Variants in ZFR2 observed in about 807,000 individuals in gnomAD.
ZFR2 encodes the protein zinc finger RNA-binding protein 2.
In ZFR2, 104 loss-of-function variants were observed where a neutral mutation model predicts 105.7. The observed-to-expected ratio is 0.98, with a 90% CI of 0.84 to 1.16. The LOEUF (loss-of-function observed/expected upper bound fraction) is 1.16, where lower values mean the gene tolerates loss of function less well. Among genes scored for constraint, ZFR2 ranks in the 50% most tolerant of loss-of-function variants. The pLI, the probability that ZFR2 is intolerant of heterozygous loss-of-function variation, is 0.00. For synonymous variants in ZFR2, 634 were observed against 597.7 expected (o/e 1.06, Z -0.89); for missense variants, 1,425 against 1,355.5 (o/e 1.05, Z -0.80).
At chr19:3,862,890 C>T (rs1487031288) in intron 1 of ZFR2, among the ~76,000 whole-genome samples, 1 of 152,168 alleles carries the variant, frequency 6.6e-6, no homozygotes, top group African/African-American at 2.4e-5. Context: ...GGGTCGTGCT[C>T]CCTGGAAAGA....
intron 12 of ZFR2, 27 bp from the exon 13 acceptor site, chr19:3,816,872 G>A (rs375186012): frequency 1.4e-4 from 216 of 1,531,048 alleles, no homozygotes; most frequent in South Asian, 9.7e-4. Flanking sequence ...ACAGACGTGC[G>A]CCATCAGCGG....
intron 1 of ZFR2, chr19:3,855,739 C>G: frequency 3.0e-6 from 1 of 336,266 alleles, no homozygotes; most frequent in Non-Finnish European, 5.4e-6. Flanking sequence ...GTTGGGGAAA[C>G]AGGGCAGCGC....
intron 1 of ZFR2, among the ~76,000 whole-genome samples, chr19:3,862,286 G>A (rs1255318922): frequency 6.6e-6 from 1 of 152,122 alleles, no homozygotes; most frequent in Non-Finnish European, 1.5e-5. Flanking sequence ...GCCCCAGTAT[G>A]TATGAACTAA....
chr19:3,856,729 CAG>C (rs1252305449), intron 1 of ZFR2, among the ~76,000 whole-genome samples: 2 of 152,226 alleles, frequency 1.3e-5, no homozygotes, highest in Non-Finnish European at 1.5e-5. Context: ...CCAGGGTAGC[CAG>C]AGTTTCCTTT....
chr19:3,805,884 G>C lies in ZFR2; in HGVS notation c.*65C>G. 1.4e-6 allele frequency: 2 copies of C among 1,421,702 alleles called. No homozygotes were observed. Among genetic ancestry groups the C allele is most frequent in the Non-Finnish European group, 1.8e-6 (2 of 1,086,354 alleles). The allele number at this position is 1,421,702 out of a possible 1,614,324, so 88.1% of individuals were successfully genotyped here. Reference sequence around the variant, plus strand: ...CAACGTCGGGGATGAAGCAGCCATTGGTCGGCGCGCACACGTCCAGGAGTG... The same window carrying C: ...CAACGTCGGGGATGAAGCAGCCATTCGTCGGCGCGCACACGTCCAGGAGTG... On this transcript the variant is annotated 3_prime_UTR_variant, in exon 19 of 19. Coordinates refer to ENST00000262961, the MANE Select transcript of ZFR2 (RefSeq NM_015174.2).
chr19:3,816,838 C>A lies in ZFR2; in HGVS notation c.1939G>T (p.Ala647Ser). 6.4e-7 allele frequency: 1 copy of A among 1,560,336 alleles called. No homozygotes were observed. Among genetic ancestry groups the A allele is most frequent in the African/African-American group, 1.4e-5 (1 of 73,638 alleles). ...EEEGDKRSSVAPQTRVLKGVM... is the reference protein window; with the variant it reads ...EEEGDKRSSVSPQTRVLKGVM... ...CCTTTCAGGACCCGAGTCTGGGGGG[C>A]AACGCTGCTGTGGGGACAAAGCCAC... The change falls in exon 13 of 19, where the codon GCC becomes TCC. Residue 647 changes from alanine to serine, a missense_variant. Coordinates refer to ENST00000262961, the MANE Select transcript of ZFR2 (RefSeq NM_015174.2).
chr19:3,808,244 T>C (rs902193027), intron 17 of ZFR2, among the ~76,000 whole-genome samples: 5 of 152,108 alleles, frequency 3.3e-5, no homozygotes, highest in Non-Finnish European at 7.4e-5. Flanking sequence ...TGCCCGTGTG[T>C]GCAAGTATGT....
intron 1 of ZFR2, among the ~76,000 whole-genome samples, chr19:3,847,735 C>T (rs966308166): frequency 1.3e-5 from 2 of 152,162 alleles, no homozygotes; most frequent in Admixed American, 6.6e-5. Flanking sequence ...TCCAATCTTT[C>T]GCCATTAAAG....
chr19:3,842,234 G>C (rs2038139611), intron 1 of ZFR2, among the ~76,000 whole-genome samples: 2 of 151,800 alleles, frequency 1.3e-5, no homozygotes, highest in South Asian at 2.1e-4. Context: ...GGCTGGTCTT[G>C]AACTCATGAG....
chr19:3,846,603 T>A (rs942801925), intron 1 of ZFR2, among the ~76,000 whole-genome samples: 37 of 152,276 alleles, frequency 2.4e-4, no homozygotes, highest in African/African-American at 7.2e-4. Flanking sequence ...CACGCATCTT[T>A]AAAAAAAGAC....
chr19:3,822,609 A>C (rs1410150857), intron 8 of ZFR2, among the ~76,000 whole-genome samples: 1 of 152,004 alleles, frequency 6.6e-6, no homozygotes, highest in Non-Finnish European at 1.5e-5. Context: ...CCAGCTACTC[A>C]GGAGACTGAG....
chr19:3,838,251 G>A lies in ZFR2; in HGVS notation c.54-3268C>T, dbSNP rs1312151468. Among the ~76,000 whole-genome samples the A allele has an allele frequency of 6.6e-6, 1 of 152,168 alleles. No homozygotes were observed. The highest frequency in any genetic ancestry group is 1.5e-5 in the Non-Finnish European group (1 of 68,016). On this transcript the variant is annotated intron_variant, in intron 1 of 18. Coordinates refer to ENST00000262961, the MANE Select transcript of ZFR2 (RefSeq NM_015174.2). This position sits in a 1 kb window ranked among gnomAD's most constrained non-coding sequence, Gnocchi z 4.9. ...TGACTACTGACATTTGATGAACACTGTGACTATGGACACTGAATGAACAGC... is the reference window on the plus strand; with the variant it reads ...TGACTACTGACATTTGATGAACACTATGACTATGGACACTGAATGAACAGC...
Position 3,833,776 on chromosome 19 carries a change from G to T in ZFR2, c.267C>A (p.Asp89Glu). The change falls in exon 3 of 19, where the codon GAC becomes GAA. Residue 89 changes from aspartate (D) to glutamate (E), a missense_variant and splice_region_variant. Transcript: ENST00000262961. ...PTATTMATYQ[D>E]SYSYGQSAAA... is the part of the protein sequence containing the mutation. ...CTGCTGACTGTCCGTAGCTGTAACT[G>T]TCCTATGTGGGGGTTTCGGCAGGAG... The T allele has an allele frequency of 6.4e-7, 1 of 1,571,862 alleles. No individual in the cohort carries two copies. Among genetic ancestry groups the T allele is most frequent in the Non-Finnish European group, 8.6e-7 (1 of 1,157,972 alleles).
At chr19:3,850,534 G>A (rs943967549) in intron 1 of ZFR2, among the ~76,000 whole-genome samples, 1 of 151,982 alleles carries the variant, frequency 6.6e-6, no homozygotes, top group East Asian at 1.9e-4. Flanking sequence ...GGGAATGAAG[G>A]TTATATGACG....
rs148517103 is a variant in ZFR2, at chr19:3,831,478, G to C, written c.677C>G (p.Pro226Arg). The C allele has an allele frequency of 5.0e-3, 7,810 of 1,549,940 alleles. 21 individuals carry two copies. Among genetic ancestry groups the C allele is most frequent in the Non-Finnish European group, 6.3e-3 (7,250 of 1,147,232 alleles). ...GGGCAGCTGCTGCGGGGGTCCCGGG[G>C]GAGGCGGGGGCTGCGCTGGAGGATA... ...PFYPPAQPPP[P>R]PGPPQQLPPP... The change falls in exon 5 of 19, where the codon CCC becomes CGC. Residue 226 changes from proline (P) to arginine (R), a missense_variant. Transcript: ENST00000262961.
At position 3,831,424 on chromosome 19, in the gene ZFR2, C is replaced by T. The variant is rs757868161; in HGVS notation, c.731G>A (p.Ser244Asn). 6.6e-5 allele frequency: 102 copies of T among 1,554,026 alleles called. No homozygotes were observed. Among genetic ancestry groups the T allele is most frequent in the Non-Finnish European group, 8.2e-5 (94 of 1,150,608 alleles). Residue 244 changes from serine (S) to asparagine (N), a missense_variant, in exon 5 of 19, where the codon AGC (serine) becomes AAC (asparagine). Coordinates refer to ENST00000262961, the MANE Select transcript of ZFR2 (RefSeq NM_015174.2). The stretch of plus-strand genomic sequence containing the variant: ...TGGCTTCGAGTCGGCCCTGGGGCTG[C>T]TTCCTGAGCCTGCAGGCGCGGGCGG... The part of the protein sequence containing the change: ...PPPPAPAGSG[S>N]SPRADSKPPL...
At chr19:3,836,498 T>A (rs1411895492) in intron 1 of ZFR2, among the ~76,000 whole-genome samples, 1 of 152,096 alleles carries the variant, frequency 6.6e-6, no homozygotes, top group Non-Finnish European at 1.5e-5. Context: ...CTTTAAAAAA[T>A]TTTGGTAGAG....
Position 3,816,290 on chromosome 19 carries a change from G to A in ZFR2, c.2103+384C>T, listed in dbSNP as rs188241226. On this transcript the variant is annotated intron_variant, in intron 13 of 18. Transcript: ENST00000262961. The stretch of plus-strand genomic sequence containing the variant: ...AGACCCAGTCTCGCTCTGTCGCCCA[G>A]GCTGGAGGGCAGCAGTGCAATCTCA... 2.5e-4 allele frequency among the ~76,000 whole-genome samples: 36 copies of A among 143,500 alleles called. No homozygotes were observed. In the East Asian group the frequency reaches 7.2e-3, roughly 29 times the overall value. 94.1% of individuals were successfully genotyped at this position (143,500 alleles called of 152,430 possible).
At chr19:3,837,964 C>T (rs1183171251) in intron 1 of ZFR2, among the ~76,000 whole-genome samples, 1 of 151,766 alleles carries the variant, frequency 6.6e-6, no homozygotes, top group Non-Finnish European at 1.5e-5. Flanking sequence ...ATGACTGTGA[C>T]AATCAATGGA....
Sources: allele counts gnomAD v4.1 joint callset (sites outside exome capture counted in the v4.1 genomes callset), GRCh38; gene constraint gnomAD v4.1.1; non-coding constraint Gnocchi (gnomAD v3.1); transcripts MANE v1.5; gene names NCBI Gene and HGNC (gene_info 2026-07-23, HGNC 2026-07-21).